LRRTM4: variants seen among roughly 807,000 people sequenced by gnomAD.
LRRTM4 encodes leucine-rich repeat transmembrane neuronal protein 4.
LRRTM4 carries 25 observed loss-of-function variants against 47.6 expected under a neutral mutation model. The ratio of observed to expected loss-of-function variants is 0.53; its 90% CI spans 0.38 to 0.73. The LOEUF (loss-of-function observed/expected upper bound fraction) is 0.73. LRRTM4 is among the 30% of genes least tolerant of loss of function. The pLI is 0.00. For synonymous variants in LRRTM4, 311 were observed against 269.5 expected, an observed-to-expected ratio of 1.15 and a Z score of -1.51; for missense variants, 638 against 713.4, an observed-to-expected ratio of 0.89 and a Z score of 1.20.
chr2:77,447,589 C>T (rs1031603071), intron 3 of LRRTM4, among the ~76,000 whole-genome samples: 2 of 152,102 alleles, frequency 1.3e-5, no homozygotes, highest in African/African-American at 4.8e-5. Context: ...CATCTGCATC[C>T]ACAACATAGT....
intron 3 of LRRTM4, among the ~76,000 whole-genome samples, chr2:77,214,477 T>C (rs1388666138): frequency 6.6e-5 from 10 of 152,180 alleles, no homozygotes; most frequent in African/African-American, 2.4e-4. Context: ...AGTGCAGTGA[T>C]AATTATTCTG....
At chr2:77,444,356 T>G (rs989098456) in intron 3 of LRRTM4, among the ~76,000 whole-genome samples, 2 of 152,102 alleles carry the variant, frequency 1.3e-5, no homozygotes, top group African/African-American at 4.8e-5. Context: ...TAGTAAAAAT[T>G]TACACTTTCT....
In LRRTM4 at chr2:77,204,655, C is replaced by G. The variant is rs557482110; in HGVS notation, c.1551+313663G>C. On this transcript the variant is annotated intron_variant, in intron 3 of 3. Coordinates refer to ENST00000409884, the MANE Select transcript of LRRTM4 (RefSeq NM_001134745.3). ...TTGTATGCCATGATATTCTGCCATT[C>G]CCAAATCATAACACTTTCTGTGATT... is the stretch of plus-strand genomic sequence containing the variant. 7.9e-5 allele frequency among the ~76,000 whole-genome samples: 12 copies of G among 152,250 alleles called. No individual in the cohort carries two copies. In the East Asian group the frequency reaches 2.1e-3, roughly 27 times the overall value.
chr2:77,044,528 G>C (rs1679165980), intron 3 of LRRTM4, among the ~76,000 whole-genome samples: 1 of 151,634 alleles, frequency 6.6e-6, no homozygotes, highest in Non-Finnish European at 1.5e-5. Flanking sequence ...AACATATGCA[G>C]ATATTAGTCA....
At chr2:77,160,954 C>G (rs1216067612) in intron 3 of LRRTM4, among the ~76,000 whole-genome samples, 1 of 152,094 alleles carries the variant, frequency 6.6e-6, no homozygotes, top group Non-Finnish European at 1.5e-5. Context: ...TGTCCTAGTT[C>G]CATGGCAGCC....
At chr2:77,499,934 G>T (rs72923920) in intron 3 of LRRTM4, among the ~76,000 whole-genome samples, 2,345 of 151,540 alleles carry the variant, frequency 0.015, 59 homozygotes, top group African/African-American at 0.053. Context: ...TGACTTTCTT[G>T]TTCTTGTCAT....
chr2:76,803,717 A>G (rs1213263019), intron 3 of LRRTM4, among the ~76,000 whole-genome samples: 5 of 152,156 alleles, frequency 3.3e-5, no homozygotes, highest in Admixed American at 6.5e-5. Context: ...GATCCTGCCT[A>G]CAAGTTACAA....
intron 3 of LRRTM4, among the ~76,000 whole-genome samples, chr2:77,082,242 G>A (rs554295502): frequency 1.3e-5 from 2 of 151,966 alleles, no homozygotes; most frequent in Admixed American, 1.3e-4. Context: ...CTGAGGCACA[G>A]CTTATTTTTG....
At chr2:77,424,198 C>T (rs1162243262) in intron 3 of LRRTM4, among the ~76,000 whole-genome samples, 1 of 152,090 alleles carries the variant, frequency 6.6e-6, no homozygotes, top group African/African-American at 2.4e-5. Flanking sequence ...ATCATGCAAA[C>T]TTGGAATTCT....
intron 3 of LRRTM4, among the ~76,000 whole-genome samples, chr2:77,075,578 A>C (rs1451959965): frequency 6.6e-6 from 1 of 152,128 alleles, no homozygotes; most frequent in African/African-American, 2.4e-5. Flanking sequence ...TTGTATGCAA[A>C]TATGATGATA....
chr2:77,091,672 G>A (rs1171576790), intron 3 of LRRTM4, among the ~76,000 whole-genome samples: 9 of 148,918 alleles, frequency 6.0e-5, no homozygotes, highest in Non-Finnish European at 6.0e-5. Flanking sequence ...GCCTCTCTTC[G>A]CTTTCACTTG....
chr2:77,177,952 A>G (rs1163517314), intron 3 of LRRTM4, among the ~76,000 whole-genome samples: 4 of 152,182 alleles, frequency 2.6e-5, no homozygotes, highest in African/African-American at 7.2e-5. Context: ...CTTTTATTAC[A>G]GTGAGAGATC....
intron 3 of LRRTM4, among the ~76,000 whole-genome samples, chr2:77,275,001 C>A (rs1676304098): frequency 1.3e-5 from 2 of 151,982 alleles, no homozygotes; most frequent in South Asian, 4.2e-4. Context: ...GTGCAAAACA[C>A]TAGAATCCTG....
chr2:76,906,043 G>A (rs1452290934), intron 3 of LRRTM4, among the ~76,000 whole-genome samples: 1 of 152,066 alleles, frequency 6.6e-6, no homozygotes, highest in African/African-American at 2.4e-5. Flanking sequence ...GCACATAATT[G>A]TCAGATTCAC....
intron 3 of LRRTM4, among the ~76,000 whole-genome samples, chr2:77,300,972 A>C (rs1203520028): frequency 6.6e-6 from 1 of 152,154 alleles, no homozygotes; most frequent in African/African-American, 2.4e-5. Context: ...AAAGCACTTT[A>C]AATGACTCTA....
chr2:77,040,166 T>G (rs865908311), intron 3 of LRRTM4, among the ~76,000 whole-genome samples: 1 of 151,356 alleles, frequency 6.6e-6, no homozygotes, highest in Admixed American at 6.6e-5. Flanking sequence ...CTATTGAGAT[T>G]TTCCATGTTT....
intron 3 of LRRTM4, among the ~76,000 whole-genome samples, chr2:77,383,146 A>C (rs536251088): frequency 6.6e-6 from 1 of 152,244 alleles, no homozygotes; most frequent in East Asian, 1.9e-4. Context: ...ACTCCAAAGA[A>C]AAATGGTTGA....
intron 3 of LRRTM4, among the ~76,000 whole-genome samples, chr2:76,908,716 C>T (rs891527673): frequency 3.9e-5 from 6 of 152,064 alleles, no homozygotes; most frequent in African/African-American, 1.2e-4. Context: ...AACAGAGAGC[C>T]AAATCATGAG....
intron 3 of LRRTM4, among the ~76,000 whole-genome samples, chr2:77,336,057 G>A (rs1234244656): frequency 6.6e-6 from 1 of 151,250 alleles, no homozygotes; most frequent in East Asian, 1.9e-4. Flanking sequence ...TGATCCAGTA[G>A]TTTTACTTAT....
Sources: allele counts gnomAD v4.1 joint callset (sites outside exome capture counted in the v4.1 genomes callset), GRCh38; gene constraint gnomAD v4.1.1; transcripts MANE v1.5; gene names NCBI Gene and HGNC (gene_info 2026-07-23, HGNC 2026-07-21).